FOXN3: variants seen among roughly 807,000 people sequenced by gnomAD.
The protein encoded by FOXN3 is forkhead box protein N3.
In FOXN3, 7 loss-of-function variants were observed where a neutral mutation model predicts 38.4. That is an observed-to-expected ratio of 0.18 (90% CI 0.10 to 0.34). The LOEUF is 0.34. Ranked by LOEUF, FOXN3 falls within the 10% of genes least tolerant of loss-of-function variation. The pLI, the probability that FOXN3 is intolerant of heterozygous loss-of-function variation, is 1.00. For missense variants in FOXN3, 456 were observed against 613.4 expected, an observed-to-expected ratio of 0.74 and a Z score of 2.71; for synonymous variants, 230 against 242.2, an observed-to-expected ratio of 0.95 and a Z score of 0.47.
At chr14:89,254,796 C>G (rs924419308) in intron 4 of FOXN3, among the ~76,000 whole-genome samples, 1 of 152,122 alleles carries the variant, frequency 6.6e-6, no homozygotes, top group African/African-American at 2.4e-5. Context: ...AGAAGAGATA[C>G]TAGTCCTACT....
chr14:89,245,863 G>A (rs930621896), intron 4 of FOXN3, among the ~76,000 whole-genome samples: 3 of 151,850 alleles, frequency 2.0e-5, no homozygotes, highest in African/African-American at 4.8e-5. Flanking sequence ...CCCCCATCCC[G>A]CATCTGGCAT....
rs565859124 is a variant in FOXN3, at chr14:89,195,776, G to A, written c.746-14970C>T. ...CTCAGGGGAATGAAGTGAGACAGGG[G>A]GGTACGAGAGAACAAGCAAGTGCCA... On this transcript the variant is annotated intron_variant, in intron 4 of 5. Coordinates refer to ENST00000557258, the MANE Select transcript of FOXN3 (RefSeq NM_005197.4). Among the ~76,000 whole-genome samples, 31 of 152,272 alleles carry A rather than the reference G, an allele frequency of 2.0e-4. No individual in the cohort carries two copies. The East Asian group carries it at 5.4e-3, about 27-fold the overall frequency.
Position 89,596,330 on chromosome 14 carries a change from T to G in FOXN3, c.-15+22698A>C, listed in dbSNP as rs116392037. Reference sequence around the variant, plus strand: ...TTTTTGTAGTTTTAGTTGACGGGCATTTCACCATATTGGCCAGGCTGGTCT... The same window carrying G: ...TTTTTGTAGTTTTAGTTGACGGGCAGTTCACCATATTGGCCAGGCTGGTCT... On this transcript the variant is annotated intron_variant, in intron 1 of 6. Transcript: ENST00000345097. Among the ~76,000 whole-genome samples, 1,340 of 152,218 alleles carry G rather than the reference T, an allele frequency of 8.8e-3. 14 individuals carry two copies. The highest frequency in any genetic ancestry group is 0.03 in the African/African-American group (1,254 of 41,530).
upstream of FOXN3, among the ~76,000 whole-genome samples, chr14:89,420,653 C>A (rs900287468): frequency 1.3e-5 from 2 of 152,152 alleles, no homozygotes; most frequent in African/African-American, 4.8e-5. Flanking sequence ...AACTCATTCA[C>A]TGAACAAATA....
intron 3 of FOXN3, among the ~76,000 whole-genome samples, chr14:89,346,119 T>C (rs1888752336): frequency 6.6e-6 from 1 of 152,200 alleles, no homozygotes; most frequent in African/African-American, 2.4e-5. Flanking sequence ...ATTATTTTGT[T>C]CCTTTTTATG....
intron 3 of FOXN3, among the ~76,000 whole-genome samples, chr14:89,346,143 C>A (rs191199223): frequency 8.5e-5 from 13 of 152,274 alleles, no homozygotes; most frequent in African/African-American, 1.2e-4. Context: ...GAGTAGTATT[C>A]CATGGTGTAT....
At chr14:89,206,949 G>A (rs1424914899) in intron 4 of FOXN3, among the ~76,000 whole-genome samples, 1 of 152,180 alleles carries the variant, frequency 6.6e-6, no homozygotes, top group African/African-American at 2.4e-5. Flanking sequence ...GAGGGGAGCA[G>A]AGGGGAAATA....
intron 2 of FOXN3, among the ~76,000 whole-genome samples, chr14:89,399,809 T>G (rs867504608): frequency 6.6e-6 from 1 of 152,166 alleles, no homozygotes; most frequent in Non-Finnish European, 1.5e-5. Flanking sequence ...CTAAACTAGT[T>G]TGGTCAGCTT....
At chr14:89,333,839 C>G (rs545037610) in intron 3 of FOXN3, among the ~76,000 whole-genome samples, 1 of 148,720 alleles carries the variant, frequency 6.7e-6, no homozygotes, top group Non-Finnish European at 1.5e-5. Context: ...AATAAAGTCA[C>G]TATTTCAAAG....
chr14:89,315,314 T>C (rs1469386170), intron 3 of FOXN3, among the ~76,000 whole-genome samples: 2 of 152,114 alleles, frequency 1.3e-5, no homozygotes, highest in African/African-American at 4.8e-5. Context: ...ATAGCACAAA[T>C]AATTGCTAAA....
upstream of FOXN3, among the ~76,000 whole-genome samples, chr14:89,421,442 C>A (rs1891904235): frequency 6.7e-6 from 1 of 149,756 alleles, no homozygotes; most frequent in African/African-American, 2.5e-5. Flanking sequence ...GCCACTGCAC[C>A]AGGCCAAACA....
At chr14:89,386,553 A>G (rs1890794858) in intron 2 of FOXN3, among the ~76,000 whole-genome samples, 1 of 152,248 alleles carries the variant, frequency 6.6e-6, no homozygotes, top group South Asian at 2.1e-4. Flanking sequence ...TAGACAGGTC[A>G]GGTTAAGTAA....
intron 4 of FOXN3, among the ~76,000 whole-genome samples, chr14:89,243,099 GGAGGA>G (rs1290943000): frequency 6.6e-6 from 1 of 152,166 alleles, no homozygotes; most frequent in Non-Finnish European, 1.5e-5. Context: ...GCCGACGCAG[GGAGGA>G]GAGAAGACAG....
chr14:89,338,268 G>T (rs1888521691), intron 3 of FOXN3, among the ~76,000 whole-genome samples: 1 of 152,188 alleles, frequency 6.6e-6, no homozygotes, highest in Non-Finnish European at 1.5e-5. Context: ...TGGCATCCCA[G>T]AGCAACTAAA....
intron 1 of FOXN3, among the ~76,000 whole-genome samples, chr14:89,531,120 T>C (rs1485909986): frequency 2.0e-5 from 3 of 148,534 alleles, no homozygotes; most frequent in East Asian, 3.9e-4. Flanking sequence ...CACACACACA[T>C]AATATATATA....
At chr14:89,362,856 C>G (rs1889929423) in intron 2 of FOXN3, among the ~76,000 whole-genome samples, 1 of 150,482 alleles carries the variant, frequency 6.6e-6, no homozygotes, top group African/African-American at 2.4e-5. Flanking sequence ...GGGTCACAAA[C>G]CCATTCAAAC....
chr14:89,190,528 G>C, intron 4 of FOXN3: 9 of 1,183,934 alleles, frequency 7.6e-6, no homozygotes, highest in Non-Finnish European at 8.6e-6. Flanking sequence ...GCAAGTTACA[G>C]TTTATGAATG....
At chr14:89,439,855 C>T (rs1054030352) in intron 1 of FOXN3, among the ~76,000 whole-genome samples, 2 of 151,998 alleles carry the variant, frequency 1.3e-5, no homozygotes. Context: ...GGGGTTTCAC[C>T]GTGTTAGCCA....
At chr14:89,491,848 G>C (rs894180452) in intron 1 of FOXN3, among the ~76,000 whole-genome samples, 1 of 152,156 alleles carries the variant, frequency 6.6e-6, no homozygotes, top group African/African-American at 2.4e-5. Context: ...GGAAGCGATT[G>C]AGTTTCCTCT....
Sources: gnomAD v4.1 joint callset for allele counts (sites outside exome capture counted in the v4.1 genomes callset) on GRCh38, gnomAD v4.1.1 for gene constraint, MANE v1.5 for transcripts, NCBI Gene and HGNC (gene_info 2026-07-23, HGNC 2026-07-21) for gene names.